Variants in LRBA observed in about 807,000 individuals in gnomAD.
LRBA encodes LPS responsive beige-like anchor protein.
Under a neutral mutation model 330.0 loss-of-function variants are expected in LRBA, and 176 were observed. The observed-to-expected ratio is 0.53, with a 90% CI of 0.47 to 0.60. The LOEUF (loss-of-function observed/expected upper bound fraction) is 0.60. LRBA is among the 20% of genes least tolerant of loss of function. The pLI, the probability that LRBA is intolerant of heterozygous loss-of-function variation, is 0.00. For synonymous variants in LRBA, 1,230 were observed against 1,193.0 expected (o/e 1.03, Z -0.64); for missense variants, 3,259 against 3,444.8 (o/e 0.95, Z 1.35).
intron 40 of LRBA, among the ~76,000 whole-genome samples, chr4:150,586,033 C>T (rs771581867): frequency 2.0e-5 from 3 of 152,160 alleles, no homozygotes; most frequent in Non-Finnish European, 4.4e-5. Context: ...TCTATTATAT[C>T]TATTTTTCTA....
At chr4:150,782,400 G>GAAA (rs1193947340) in intron 34 of LRBA, among the ~76,000 whole-genome samples, 5 of 152,180 alleles carry the variant, frequency 3.3e-5, no homozygotes, top group Non-Finnish European at 5.9e-5. Context: ...CCAGAAGTCT[G>GAAA]AAATCAGTTT....
At chr4:150,273,961 AAC>A (rs759308031) in intron 56 of LRBA, among the ~76,000 whole-genome samples, 5 of 152,196 alleles carry the variant, frequency 3.3e-5, no homozygotes, top group Non-Finnish European at 7.3e-5. Context: ...AAGCAGACCT[AAC>A]AGACATCTAC....
intron 47 of LRBA, among the ~76,000 whole-genome samples, chr4:150,374,140 A>G (rs1471177276): frequency 2.0e-5 from 3 of 152,240 alleles, no homozygotes; most frequent in Admixed American, 6.5e-5. Context: ...AAAACTTCCA[A>G]TACTCTCCCT....
chr4:150,719,163 T>C (rs1484874845), intron 36 of LRBA, among the ~76,000 whole-genome samples: 1 of 152,106 alleles, frequency 6.6e-6, no homozygotes, highest in Non-Finnish European at 1.5e-5. Flanking sequence ...ATTTAATCTC[T>C]TTCACAACAG....
At chr4:150,626,680 G>C (rs529625273) in intron 37 of LRBA, among the ~76,000 whole-genome samples, 10 of 152,096 alleles carry the variant, frequency 6.6e-5, no homozygotes, top group African/African-American at 2.4e-4. Context: ...CATATGTAAA[G>C]AAGTATTCAT....
chr4:150,792,226 C>T (rs546242332), intron 34 of LRBA, among the ~76,000 whole-genome samples: 2 of 148,688 alleles, frequency 1.3e-5, no homozygotes, highest in Admixed American at 6.7e-5. Flanking sequence ...AAGGTTGAAG[C>T]GTACCCTAAA....
At chr4:150,393,634 ATCAC>A (rs1744317256) in intron 47 of LRBA, among the ~76,000 whole-genome samples, 1 of 152,048 alleles carries the variant, frequency 6.6e-6, no homozygotes, top group Admixed American at 6.6e-5. Flanking sequence ...AAAGGTGTGC[ATCAC>A]TACACTTGGC....
intron 33 of LRBA, among the ~76,000 whole-genome samples, chr4:150,804,719 A>C (rs1010202801): frequency 1.3e-5 from 2 of 152,180 alleles, no homozygotes; most frequent in African/African-American, 2.4e-5. Flanking sequence ...GGGCCCAAAA[A>C]AAGCCAGATT....
intron 36 of LRBA, among the ~76,000 whole-genome samples, chr4:150,691,823 A>G (rs1784166308): frequency 6.6e-6 from 1 of 152,220 alleles, no homozygotes; most frequent in African/African-American, 2.4e-5. Flanking sequence ...AGCTGAATGG[A>G]TAAACAAAAT....
At chr4:150,849,356 T>G (rs1312117353) in intron 25 of LRBA, 66 bp downstream of exon 25, 2 of 1,441,220 alleles carry the variant, frequency 1.4e-6, no homozygotes, top group African/African-American at 2.8e-5. Flanking sequence ...CATTTAAGTT[T>G]TAGTCAATAA....
rs771972483 is a variant in LRBA at position 150,282,540 on chromosome 4, A to G, written c.8226T>C (p.His2742=). Reference sequence around the variant, plus strand: ...GGCCGTTTTCATAGAATATGACACAATGACCCTCTCTTGAAGCCTGAATGA... The same window carrying G: ...GGCCGTTTTCATAGAATATGACACAGTGACCCTCTCTTGAAGCCTGAATGA... ...PKLIQASREG[H]CVIFYENGLF... The change falls in exon 55 of 57, where the codon CAT becomes CAC. Residue 2742 remains histidine (H), a synonymous_variant. Coordinates refer to ENST00000651943, the MANE Select transcript of LRBA (RefSeq NM_001364905.1). 22 of 1,614,044 alleles carry G rather than the reference A, an allele frequency of 1.4e-5. No homozygotes were observed. In the African/African-American group the frequency reaches 2.4e-4, roughly 18 times the overall value.
intron 37 of LRBA, among the ~76,000 whole-genome samples, chr4:150,648,766 G>A (rs950655943): frequency 6.6e-6 from 1 of 152,136 alleles, no homozygotes; most frequent in African/African-American, 2.4e-5. Context: ...AGTTGAGGGA[G>A]CTGAAACAGA....
intron 2 of LRBA, among the ~76,000 whole-genome samples, chr4:150,938,194 T>C (rs1338582107): frequency 1.3e-5 from 2 of 152,138 alleles, no homozygotes; most frequent in Non-Finnish European, 2.9e-5. Flanking sequence ...ATGTCAAAAT[T>C]GCTTTTTTCT....
chr4:150,365,812 A>G (rs1027525963), intron 47 of LRBA, among the ~76,000 whole-genome samples: 1 of 143,260 alleles, frequency 7.0e-6, no homozygotes, highest in African/African-American at 2.6e-5. Context: ...AAAAAAAAAA[A>G]GTGATTTCAT....
chr4:150,368,467 T>A (rs1400287877), intron 47 of LRBA, among the ~76,000 whole-genome samples: 1 of 152,156 alleles, frequency 6.6e-6, no homozygotes, highest in Non-Finnish European at 1.5e-5. Context: ...AAAAGTTAAA[T>A]TTAAACAGCA....
chr4:150,827,378 C>T (rs1017830498), intron 30 of LRBA, among the ~76,000 whole-genome samples: 1 of 152,054 alleles, frequency 6.6e-6, no homozygotes, highest in African/African-American at 2.4e-5. Context: ...AATTCCAGTG[C>T]ATTTCTGTAA....
intron 48 of LRBA, among the ~76,000 whole-genome samples, chr4:150,346,909 C>T (rs1031362476): frequency 1.3e-5 from 2 of 151,778 alleles, no homozygotes; most frequent in African/African-American, 4.8e-5. Context: ...AGATGGTGTA[C>T]ATCCATACTC....
intron 34 of LRBA, among the ~76,000 whole-genome samples, chr4:150,770,480 A>G (rs1736403092): frequency 6.6e-6 from 1 of 152,114 alleles, no homozygotes; most frequent in South Asian, 2.1e-4. Context: ...ACAGTTAACA[A>G]TACTTAAATA....
intron 47 of LRBA, among the ~76,000 whole-genome samples, chr4:150,408,373 C>CA (rs1746495090): frequency 1.3e-5 from 2 of 151,814 alleles, no homozygotes; most frequent in African/African-American, 4.8e-5. Context: ...CCTATAAAAA[C>CA]TAAAAAAACT....
Sources: allele counts gnomAD v4.1 joint callset (sites outside exome capture counted in the v4.1 genomes callset), GRCh38; gene constraint gnomAD v4.1.1; transcripts MANE v1.5; gene names NCBI Gene and HGNC (gene_info 2026-07-23, HGNC 2026-07-21).